DLC1: variants seen among roughly 807,000 people sequenced by gnomAD.
DLC1 encodes the protein DLC1 Rho GTPase activating protein.
In DLC1, 54 loss-of-function variants were observed where a neutral mutation model predicts 140.3. The ratio of observed to expected loss-of-function variants is 0.38; its 90% CI spans 0.31 to 0.48. The LOEUF is 0.48. Among genes scored for constraint, DLC1 ranks in the 20% least tolerant of loss-of-function variants. DLC1 has a pLI of 0.96. For synonymous variants in DLC1, 986 were observed against 728.1 expected (o/e 1.35, Z -5.70); for missense variants, 2,536 against 1,907.0 (o/e 1.33, Z -6.14).
chr8:13,123,784 C>A (rs1316754997), intron 5 of DLC1, among the ~76,000 whole-genome samples: 2 of 152,180 alleles, frequency 1.3e-5, no homozygotes, highest in Admixed American at 6.5e-5. Context: ...ATATCCCAAG[C>A]ACCTACAACA....
At position 13,256,157 on chromosome 8, in the gene DLC1, G is replaced by A. The variant is rs564054319; in HGVS notation, c.1348+49112C>T. 2.0e-5 allele frequency among the ~76,000 whole-genome samples: 3 copies of A among 152,276 alleles called. No individual in the cohort carries two copies. In the East Asian group the frequency reaches 5.8e-4, roughly 29 times the overall value. ...CTGGGCTCATGATTTTCAATTGAAT[G>A]AATGAAATAAATATATGGCCAAAAA... is the stretch of plus-strand genomic sequence containing the variant. On this transcript the variant is annotated intron_variant, in intron 5 of 17. Transcript: ENST00000276297.
chr8:13,102,656 T>C (rs1359946236), intron 8 of DLC1, 134 bp downstream of exon 8: 7 of 777,062 alleles, frequency 9.0e-6, no homozygotes, highest in Non-Finnish European at 1.5e-5. Context: ...GTCTAGGCGA[T>C]ATCATTCAAG....
chr8:13,301,954 C>T (rs1357012852), intron 5 of DLC1, among the ~76,000 whole-genome samples: 2 of 152,142 alleles, frequency 1.3e-5, no homozygotes, highest in Admixed American at 6.5e-5. Flanking sequence ...AAACTGGTTC[C>T]TGGTGCCAAA....
chr8:13,438,557 G>A (rs1012366897), intron 2 of DLC1, among the ~76,000 whole-genome samples: 3 of 152,044 alleles, frequency 2.0e-5, no homozygotes, highest in African/African-American at 7.2e-5. Flanking sequence ...GTTGCGATCT[G>A]GCCGTGTCCC....
intron 5 of DLC1, among the ~76,000 whole-genome samples, chr8:13,274,720 T>C (rs1831090527): frequency 6.6e-6 from 1 of 152,160 alleles, no homozygotes; most frequent in Non-Finnish European, 1.5e-5. Context: ...AGAGGAAATC[T>C]CAGAAGCATA....
chr8:13,308,970 T>C (rs1257029554), intron 4 of DLC1, among the ~76,000 whole-genome samples: 1 of 152,286 alleles, frequency 6.6e-6, no homozygotes, highest in South Asian at 2.1e-4. Context: ...GACTGTATAG[T>C]ATGGTACAGA....
intron 1 of DLC1, chr8:13,567,079 G>A: frequency 1.3e-6 from 2 of 1,551,742 alleles, no homozygotes; most frequent in South Asian, 1.2e-5. Flanking sequence ...GAACTCTACT[G>A]ATGAGGTACA....
intron 4 of DLC1, among the ~76,000 whole-genome samples, chr8:13,310,301 C>T (rs1251061949): frequency 6.6e-6 from 1 of 152,120 alleles, no homozygotes; most frequent in Admixed American, 6.6e-5. Context: ...TAGAAATTTT[C>T]TTTATTTGCC....
At chr8:13,461,083 A>G (rs1429486410) in intron 2 of DLC1, among the ~76,000 whole-genome samples, 1 of 152,180 alleles carries the variant, frequency 6.6e-6, no homozygotes, top group African/African-American at 2.4e-5. Context: ...GGTGGTGCAC[A>G]TCTGTGGTCC....
At chr8:13,594,468 C>T (rs956201335) in intron 1 of DLC1, among the ~76,000 whole-genome samples, 1 of 152,098 alleles carries the variant, frequency 6.6e-6, no homozygotes, top group Non-Finnish European at 1.5e-5. Context: ...GATTCTCCCA[C>T]ATTGCTTTCG....
chr8:13,332,504 C>A (rs949015852), intron 4 of DLC1, among the ~76,000 whole-genome samples: 5 of 151,598 alleles, frequency 3.3e-5, no homozygotes, highest in African/African-American at 1.2e-4. Context: ...GATCTCGGCT[C>A]ATTGCAACCT....
At chr8:13,569,710 A>G (rs1393438404) in intron 1 of DLC1, among the ~76,000 whole-genome samples, 4 of 152,098 alleles carry the variant, frequency 2.6e-5, no homozygotes, top group African/African-American at 2.4e-5. Flanking sequence ...CAGAATTACT[A>G]TTTTTTAAAT....
At chr8:13,486,168 G>A (rs189707505) in intron 2 of DLC1, among the ~76,000 whole-genome samples, 23 of 152,158 alleles carry the variant, frequency 1.5e-4, no homozygotes, top group Middle Eastern at 3.4e-3. Context: ...CAGAATAACC[G>A]AATGAAATGA....
chr8:13,380,314 G>C (rs527718748), intron 4 of DLC1, among the ~76,000 whole-genome samples: 16 of 152,110 alleles, frequency 1.1e-4, no homozygotes, highest in Non-Finnish European at 2.1e-4. Flanking sequence ...TTTTTATTGT[G>C]TTCAAATTTA....
chr8:13,093,569 T>C (rs1654482540), intron 12 of DLC1, among the ~76,000 whole-genome samples: 1 of 152,222 alleles, frequency 6.6e-6, no homozygotes, highest in South Asian at 2.1e-4. Context: ...TCTCCTTGAA[T>C]ACATAACTCT....
At chr8:13,463,397 G>A (rs534010723) in intron 2 of DLC1, among the ~76,000 whole-genome samples, 1 of 152,078 alleles carries the variant, frequency 6.6e-6, no homozygotes, top group Admixed American at 6.5e-5. Context: ...GACCTGTTAG[G>A]ACATGGAGTA....
At chr8:13,460,340 C>G (rs1295880111) in intron 2 of DLC1, among the ~76,000 whole-genome samples, 1 of 152,184 alleles carries the variant, frequency 6.6e-6, no homozygotes, top group African/African-American at 2.4e-5. Flanking sequence ...TATAACAGCT[C>G]CATGAACATT....
chr8:13,303,368 T>C (rs900188749), intron 5 of DLC1, among the ~76,000 whole-genome samples: 14 of 152,132 alleles, frequency 9.2e-5, no homozygotes, highest in Non-Finnish European at 1.8e-4. Flanking sequence ...CTCAGCCATA[T>C]AGAAATGACT....
chr8:13,123,567 C>T (rs1821300288), intron 5 of DLC1, among the ~76,000 whole-genome samples: 1 of 148,602 alleles, frequency 6.7e-6, no homozygotes, highest in Non-Finnish European at 1.5e-5. Flanking sequence ...AGGCTGGTTT[C>T]GAATTCCTGA....
Sources: gnomAD v4.1 joint callset for allele counts (sites outside exome capture counted in the v4.1 genomes callset) on GRCh38, gnomAD v4.1.1 for gene constraint, MANE v1.5 for transcripts, NCBI Gene and HGNC (gene_info 2026-07-23, HGNC 2026-07-21) for gene names.